PIEZO1: variants seen among roughly 807,000 people sequenced by gnomAD.
PIEZO1 encodes piezo type mechanosensitive ion channel component 1 (Er blood group).
PIEZO1 carries 296 observed loss-of-function variants against 297.2 expected under a neutral mutation model. The observed-to-expected ratio is 1.00, with a 90% CI of 0.91 to 1.10. PIEZO1 has a LOEUF of 1.10. Ranked by LOEUF, PIEZO1 falls within the 50% of genes least tolerant of loss-of-function variation. The pLI, the probability that PIEZO1 is intolerant of heterozygous loss-of-function variation, is 0.00. For synonymous variants in PIEZO1, 2,427 were observed against 1,507.5 expected, an observed-to-expected ratio of 1.61 and a Z score of -14.13; for missense variants, 5,018 against 3,455.5, an observed-to-expected ratio of 1.45 and a Z score of -11.34.
chr16:88,742,804 C>A, intron 2 of PIEZO1: 2 of 342,166 alleles, frequency 5.8e-6, no homozygotes, highest in East Asian at 7.9e-5. Context: ...CCACCTCACC[C>A]CAGTGGGGGC....
intron 2 of PIEZO1, among the ~76,000 whole-genome samples, chr16:88,749,044 T>C (rs992032490): frequency 8.9e-4 from 133 of 149,962 alleles, no homozygotes; most frequent in South Asian, 2.7e-3. Context: ...GAGACCATCC[T>C]GGCTATCACG....
intron 22 of PIEZO1, among the ~76,000 whole-genome samples, chr16:88,730,575 G>C (rs1904734609): frequency 6.8e-6 from 1 of 147,782 alleles, no homozygotes; most frequent in Admixed American, 6.8e-5. Context: ...TCCAGCCTGG[G>C]TGACAGAGCA....
At position 88,723,158 on chromosome 16, in the gene PIEZO1, A is replaced by G. The variant is rs1904295378; in HGVS notation, c.4439-7T>C. The G allele has an allele frequency of 6.5e-7, 1 of 1,549,346 alleles. No homozygotes were observed. Among genetic ancestry groups the G allele is most frequent in the Non-Finnish European group, 8.7e-7 (1 of 1,146,798 alleles). On this transcript the variant is annotated splice_polypyrimidine_tract_variant and splice_region_variant and intron_variant, in intron 32 of 50. Coordinates refer to ENST00000301015, the MANE Select transcript of PIEZO1 (RefSeq NM_001142864.4). ...TCCTGGCTGGGACCACCTCCTGGGC[A>G]CAGGATGCTGGTGAGTGACTGGCAG...
At chr16:88,748,952 A>C (rs1345924551) in intron 2 of PIEZO1, among the ~76,000 whole-genome samples, 1 of 149,252 alleles carries the variant, frequency 6.7e-6, no homozygotes, top group East Asian at 2.0e-4. Context: ...AAAAAAAAAA[A>C]AAAAGCCGGG....
At chr16:88,732,977 T>C in intron 19 of PIEZO1, 1 of 582,412 alleles carries the variant, frequency 1.7e-6, no homozygotes, top group Non-Finnish European at 3.0e-6. Flanking sequence ...TGCGAGAAGG[T>C]CCCAGGCAGA....
chr16:88,783,702 G>A lies in PIEZO1; in HGVS notation c.64+1199C>T, dbSNP rs563156175. ...CAGTCCACACAGGGCTGACCGCACT[G>A]AAGAGAGTTGCTCAAAACCTCTCCT... On this transcript the variant is annotated intron_variant, in intron 1 of 50. Transcript: ENST00000301015. Among the ~76,000 whole-genome samples the A allele has an allele frequency of 1.2e-3, 180 of 152,324 alleles. 1 individual carries two copies. Among genetic ancestry groups the A allele is most frequent in the African/African-American group, 4.1e-3 (169 of 41,572 alleles).
At chr16:88,726,192 A>C in intron 27 of PIEZO1, 92 bp downstream of exon 27, 2 of 1,125,102 alleles carry the variant, frequency 1.8e-6, no homozygotes, top group Non-Finnish European at 2.5e-6. Context: ...CCTGCCCTCC[A>C]CGGGCCGGGG....
intron 2 of PIEZO1, among the ~76,000 whole-genome samples, chr16:88,749,054 G>GCA (rs1567683020): frequency 1.3e-5 from 2 of 151,262 alleles, no homozygotes; most frequent in Non-Finnish European, 2.9e-5. Context: ...TGGCTATCAC[G>GCA]GTGAAACCCC....
At chr16:88,761,576 T>C (rs1470006952) in intron 1 of PIEZO1, among the ~76,000 whole-genome samples, 2 of 152,180 alleles carry the variant, frequency 1.3e-5, no homozygotes, top group Non-Finnish European at 2.9e-5. Flanking sequence ...TTCTCCCCGA[T>C]GCTGCTCAGC....
chr16:88,734,805 G>A lies in PIEZO1; in HGVS notation c.1849-7C>T, dbSNP rs1433197487. 3.2e-6 allele frequency: 5 copies of A among 1,550,136 alleles called. No homozygotes were observed. The highest frequency in any genetic ancestry group is 4.4e-6 in the Non-Finnish European group (5 of 1,146,888). On this transcript the variant is annotated splice_region_variant and splice_polypyrimidine_tract_variant and intron_variant, in intron 14 of 50. Coordinates refer to ENST00000301015, the MANE Select transcript of PIEZO1 (RefSeq NM_001142864.4). ...GCCACAGGCTGTAGTAGACCTGCCG[G>A]GTGAGGTGGGGGTGGTGAGGACCGC...
chr16:88,777,947 G>A lies in PIEZO1; in HGVS notation c.64+6954C>T, dbSNP rs574606783. 3.9e-5 allele frequency among the ~76,000 whole-genome samples: 6 copies of A among 152,326 alleles called. No individual in the cohort carries two copies. In the East Asian group the frequency reaches 9.6e-4, roughly 24 times the overall value. ...CGCCCCTCCTGGGCAGGCGGCCTCCGCAAACCTGCGTCTGTCCCTCCCGCA... is the reference window on the plus strand; with the variant it reads ...CGCCCCTCCTGGGCAGGCGGCCTCCACAAACCTGCGTCTGTCCCTCCCGCA... On this transcript the variant is annotated intron_variant, in intron 1 of 50. Transcript: ENST00000301015.
intron 10 of PIEZO1, 71 bp from the exon 11 acceptor site, chr16:88,736,810 A>C: frequency 1.0e-6 from 1 of 982,692 alleles, no homozygotes; most frequent in Non-Finnish European, 1.5e-6. Flanking sequence ...TATGCCCTAA[A>C]ATCTGGGCCC....
rs2142917942 is a variant in PIEZO1 at position 88,783,925 on chromosome 16, C to G, written c.64+976G>C. On this transcript the variant is annotated intron_variant, in intron 1 of 50. Transcript: ENST00000301015. ...GAAAGGGCTTTTACAATCAAAAGGC[C>G]CCACCTGCCGTGTCCATGGCGGACT... Among the ~76,000 whole-genome samples the G allele has an allele frequency of 2.6e-5, 4 of 152,334 alleles. No individual in the cohort carries two copies. In the Middle Eastern group the frequency reaches 0.014, roughly 518 times the overall value.
chr16:88,721,777 G>T (rs902951041), intron 37 of PIEZO1, 31 bp downstream of exon 37: 1 of 1,535,650 alleles, frequency 6.5e-7, no homozygotes, highest in African/African-American at 1.4e-5. Flanking sequence ...GCGGTGGGCC[G>T]GGCGCCCCCT....
Position 88,722,702 on chromosome 16 carries a change from G to A in PIEZO1, c.4669-13C>T, listed in dbSNP as rs1252819629. 1 of 1,535,100 alleles carries A rather than the reference G, an allele frequency of 6.5e-7. No individual in the cohort carries two copies. Among genetic ancestry groups the A allele is most frequent in the Non-Finnish European group, 8.7e-7 (1 of 1,144,780 alleles). ...GCACTTCGCCGCCCTGCAGGGCACAGCAGGGGGCTCAGGGCTGCGTCCAGC... is the reference window on the plus strand; with the variant it reads ...GCACTTCGCCGCCCTGCAGGGCACAACAGGGGGCTCAGGGCTGCGTCCAGC... On this transcript the variant is annotated splice_polypyrimidine_tract_variant and intron_variant, in intron 34 of 50. Transcript: ENST00000301015.
intron 1 of PIEZO1, among the ~76,000 whole-genome samples, chr16:88,758,308 G>C (rs562267259): frequency 6.6e-6 from 1 of 152,192 alleles, no homozygotes; most frequent in African/African-American, 2.4e-5. Flanking sequence ...GACCCTGTGG[G>C]CTTCCTGCCA....
chr16:88,772,644 T>C (rs549588747), intron 1 of PIEZO1, among the ~76,000 whole-genome samples: 10 of 152,188 alleles, frequency 6.6e-5, no homozygotes, highest in South Asian at 2.1e-4. Context: ...CCGGGCGTGA[T>C]GGTGGGTGCC....
rs961820654 is a variant in PIEZO1 at position 88,725,305 on chromosome 16, G to C, written c.4162+111C>G. 5.3e-6 allele frequency: 4 copies of C among 751,342 alleles called. No homozygotes were observed. In the East Asian group the frequency reaches 1.1e-4, roughly 21 times the overall value. 46.5% of individuals were successfully genotyped at this position (751,342 alleles called of 1,614,324 possible). A position where few individuals can be genotyped will look rare whatever the true frequency, so the allele number is the denominator to read the frequency against. On this transcript the variant is annotated intron_variant, in intron 29 of 50. Transcript: ENST00000301015. ...AGAGGGTGATCATGCGGACAGGACA[G>C]GCGGGCTGGGAGCCCTGTGGGACGT...
At chr16:88,754,561 T>C (rs181327082) in intron 1 of PIEZO1, among the ~76,000 whole-genome samples, 4 of 152,132 alleles carry the variant, frequency 2.6e-5, no homozygotes, top group Non-Finnish European at 5.9e-5. Flanking sequence ...TGGCCTCCTC[T>C]AACACGGGCT....
Sources: gnomAD v4.1 joint callset for allele counts (sites outside exome capture counted in the v4.1 genomes callset) on GRCh38, gnomAD v4.1.1 for gene constraint, MANE v1.5 for transcripts, NCBI Gene and HGNC (gene_info 2026-07-23, HGNC 2026-07-21) for gene names.